Variants in AOAH observed in about 807,000 individuals in gnomAD.
The protein encoded by AOAH is acyloxyacyl hydrolase.
AOAH carries 64 observed loss-of-function variants against 92.2 expected under a neutral mutation model. The ratio of observed to expected loss-of-function variants is 0.69; its 90% CI spans 0.57 to 0.86. AOAH has a LOEUF of 0.86. AOAH is among the 40% of genes least tolerant of loss of function. The probability of loss-of-function intolerance (pLI) is 0.00; values close to 1 mark genes in which losing one functional copy is unlikely to be tolerated. For missense variants in AOAH, 656 were observed against 694.6 expected (o/e 0.94, Z 0.62); for synonymous variants, 263 against 254.5 (o/e 1.03, Z -0.32).
chr7:36,522,327 C>T (rs1487959960), intron 19 of AOAH, among the ~76,000 whole-genome samples: 1 of 152,160 alleles, frequency 6.6e-6, no homozygotes, highest in Non-Finnish European at 1.5e-5. Flanking sequence ...GAAGGGAATA[C>T]GTGAGAGCAT....
intron 13 of AOAH, among the ~76,000 whole-genome samples, chr7:36,564,355 C>T (rs1156312057): frequency 6.6e-6 from 1 of 152,148 alleles, no homozygotes; most frequent in Non-Finnish European, 1.5e-5. Context: ...CTTTGTTTCC[C>T]ATTTGATGAT....
At chr7:36,691,342 G>A (rs1797384109) in intron 1 of AOAH, among the ~76,000 whole-genome samples, 2 of 152,206 alleles carry the variant, frequency 1.3e-5, no homozygotes, top group African/African-American at 4.8e-5. Flanking sequence ...AAAGAAAGGT[G>A]TAAAAATAAT....
At chr7:36,529,880 TA>T (rs1407659469) in intron 19 of AOAH, among the ~76,000 whole-genome samples, 1 of 152,206 alleles carries the variant, frequency 6.6e-6, no homozygotes, top group African/African-American at 2.4e-5. Context: ...AAAAGCAACT[TA>T]GTAATATTCC....
At chr7:36,615,999 G>C (rs888473113) in intron 11 of AOAH, among the ~76,000 whole-genome samples, 3 of 152,108 alleles carry the variant, frequency 2.0e-5, no homozygotes, top group African/African-American at 7.2e-5. Context: ...ATCAGGAGCC[G>C]AGCAGCCTGC....
intron 16 of AOAH, among the ~76,000 whole-genome samples, chr7:36,534,830 G>A (rs1784909476): frequency 6.6e-6 from 1 of 152,088 alleles, no homozygotes; most frequent in African/African-American, 2.4e-5. Flanking sequence ...CAGGGGCTGA[G>A]GAGCTCTGTC....
chr7:36,616,217 A>G (rs915621484), intron 11 of AOAH, among the ~76,000 whole-genome samples, 163 bp downstream of exon 11: 1 of 152,076 alleles, frequency 6.6e-6, no homozygotes, highest in African/African-American at 2.4e-5. Context: ...ACCTTTTGCC[A>G]TTTGTCTAGG....
intron 3 of AOAH, among the ~76,000 whole-genome samples, chr7:36,663,386 T>TG (rs1277658010): frequency 9.8e-5 from 15 of 152,330 alleles, no homozygotes; most frequent in Admixed American, 9.8e-4. Flanking sequence ...TTTGGACAAA[T>TG]GCATAATGAC....
At chr7:36,696,966 T>C (rs368031394) in intron 1 of AOAH, among the ~76,000 whole-genome samples, 1 of 152,216 alleles carries the variant, frequency 6.6e-6, no homozygotes, top group Admixed American at 6.5e-5. Flanking sequence ...GATTTTTCTA[T>C]ATTTAGGATT....
At chr7:36,621,366 G>T (rs1792267451) in intron 8 of AOAH, among the ~76,000 whole-genome samples, 1 of 152,208 alleles carries the variant, frequency 6.6e-6, no homozygotes, top group Admixed American at 6.5e-5. Context: ...TCTGCACGGA[G>T]AACTGATACA....
Position 36,623,182 on chromosome 7 carries a change from A to T in AOAH, c.582+8T>A. On this transcript the variant is annotated splice_region_variant and intron_variant, in intron 7 of 20. Coordinates refer to ENST00000617537, the MANE Select transcript of AOAH (RefSeq NM_001637.4). ...AGTGAACATCTGGTTATTCCTAACA[A>T]TACTTACTGGGAAAACGCTGTATTT... is the stretch of plus-strand genomic sequence containing the variant. The T allele has an allele frequency of 6.2e-7, 1 of 1,612,304 alleles. No individual in the cohort carries two copies. The highest frequency in any genetic ancestry group is 1.1e-5 in the South Asian group (1 of 91,056).
chr7:36,600,463 C>T (rs1790475585), intron 11 of AOAH, among the ~76,000 whole-genome samples: 1 of 152,170 alleles, frequency 6.6e-6, no homozygotes, highest in Admixed American at 6.5e-5. Flanking sequence ...TGCAAGGCAG[C>T]GCAGGGCCCA....
chr7:36,698,937 A>G (rs976616236), intron 1 of AOAH, among the ~76,000 whole-genome samples: 7 of 152,076 alleles, frequency 4.6e-5, no homozygotes, highest in African/African-American at 1.7e-4. Flanking sequence ...TGTACCCATT[A>G]ATCAACCTCT....
intron 12 of AOAH, among the ~76,000 whole-genome samples, chr7:36,584,699 A>G (rs73344652): frequency 0.24 from 35,980 of 152,170 alleles, 5,378 homozygotes; most frequent in African/African-American, 0.42. Context: ...GGTTTAACTT[A>G]CGCTGATTTA....
In AOAH at chr7:36,614,444, A is replaced by C. The variant is rs1791708299; in HGVS notation, c.846+1936T>G. ...AACTTCTTAACAATCTTATTTTTGA[A>C]TTTGTGTTTGTTATGTGAGTGAAGT... is the stretch of plus-strand genomic sequence containing the variant. On this transcript the variant is annotated intron_variant, in intron 11 of 20. Transcript: ENST00000617537. This position sits in a 1 kb window ranked among gnomAD's most constrained non-coding sequence, Gnocchi z 4.2. Among the ~76,000 whole-genome samples, 1 of 123,096 alleles carries C rather than the reference A, an allele frequency of 8.1e-6. No individual in the cohort carries two copies. Among genetic ancestry groups the C allele is most frequent in the Non-Finnish European group, 1.9e-5 (1 of 52,748 alleles). 80.8% of individuals were successfully genotyped at this position (123,096 alleles called of 152,430 possible).
intron 11 of AOAH, among the ~76,000 whole-genome samples, chr7:36,610,080 T>C (rs1408051732): frequency 6.8e-6 from 1 of 147,042 alleles, no homozygotes; most frequent in Non-Finnish European, 1.5e-5. Context: ...ATTCTGTAGA[T>C]AATAGTTTTT....
chr7:36,542,816 G>A (rs990516399), intron 15 of AOAH, among the ~76,000 whole-genome samples: 8 of 152,078 alleles, frequency 5.3e-5, no homozygotes, highest in African/African-American at 9.7e-5. Flanking sequence ...ACTAGATATC[G>A]TTGGTTGCAC....
intron 3 of AOAH, among the ~76,000 whole-genome samples, chr7:36,671,610 T>C (rs954305319): frequency 1.3e-5 from 2 of 150,280 alleles, no homozygotes; most frequent in African/African-American, 5.0e-5. Context: ...TGTGTGTGTA[T>C]GTGTGTGTGC....
At chr7:36,704,254 C>T (rs925137794) in intron 1 of AOAH, among the ~76,000 whole-genome samples, 3 of 152,022 alleles carry the variant, frequency 2.0e-5, no homozygotes, top group African/African-American at 7.2e-5. Context: ...GGATGTTAGC[C>T]TTTTGTCAGA....
chr7:36,604,960 T>C (rs1790894415), intron 11 of AOAH, among the ~76,000 whole-genome samples: 1 of 152,220 alleles, frequency 6.6e-6, no homozygotes, highest in Non-Finnish European at 1.5e-5. Context: ...TCAGGCTTAG[T>C]GATGCTATCC....
Sources: gnomAD v4.1 joint callset for allele counts (sites outside exome capture counted in the v4.1 genomes callset) on GRCh38, gnomAD v4.1.1 for gene constraint, Gnocchi (gnomAD v3.1) non-coding constraint, MANE v1.5 for transcripts, NCBI Gene and HGNC (gene_info 2026-07-23, HGNC 2026-07-21) for gene names.